Variants in RNLS observed in about 807,000 individuals in gnomAD.
RNLS encodes the protein renalase, FAD dependent amine oxidase.
A neutral mutation model predicts 39.8 loss-of-function variants in RNLS; 39 were observed. The observed-to-expected ratio is 0.98, with a 90% CI of 0.76 to 1.28. RNLS has a LOEUF of 1.28. Ranked by LOEUF, RNLS falls within the 50% of genes most tolerant of loss-of-function variation. The pLI is 0.00. For missense variants in RNLS, 410 were observed against 413.3 expected (o/e 0.99, Z 0.07); for synonymous variants, 147 against 150.7 (o/e 0.98, Z 0.18).
chr10:88,369,902 T>G (rs1036736203), intron 4 of RNLS, among the ~76,000 whole-genome samples: 10 of 152,244 alleles, frequency 6.6e-5, no homozygotes, highest in African/African-American at 2.4e-4. Context: ...GCCAGGCTGG[T>G]TTTGAACTCC....
At position 88,517,571 on chromosome 10, in the gene RNLS, C is replaced by T. The variant is rs148223241; in HGVS notation, c.526+55332G>A. On this transcript the variant is annotated intron_variant, in intron 4 of 6. Coordinates refer to ENST00000331772, the MANE Select transcript of RNLS (RefSeq NM_001031709.3). ...CTTTGTTTTTTACATAAATACATAA[C>T]GGTTGATAAATTTTAAAAAGTGACT... 5.9e-5 allele frequency among the ~76,000 whole-genome samples: 9 copies of T among 151,754 alleles called. No homozygotes were observed. In the East Asian group the frequency reaches 7.7e-4, roughly 13 times the overall value.
At chr10:88,535,958 T>C (rs1166478327) in intron 4 of RNLS, among the ~76,000 whole-genome samples, 1 of 152,130 alleles carries the variant, frequency 6.6e-6, no homozygotes, top group Non-Finnish European at 1.5e-5. Context: ...ATTTTGAAGA[T>C]GAAATATCCT....
chr10:88,203,444 G>A, the RNLS span, among the ~76,000 whole-genome samples: 1 of 2,924 alleles, frequency 3.4e-4, no homozygotes, highest in Non-Finnish European at 5.9e-4. Context: ...ATACGTGTGT[G>A]TGTGTGTGTG....
rs778073918 is a variant in RNLS at position 88,362,535 on chromosome 10, A to G, written c.700+17T>C. On this transcript the variant is annotated intron_variant, in intron 5 of 6. Transcript: ENST00000331772. ...ACCATTGTTGCTGTATTTAAGGGAA[A>G]TAATAGGGGTACTGACCTATATTGC... is the stretch of plus-strand genomic sequence containing the variant. 6.2e-7 allele frequency: 1 copy of G among 1,609,432 alleles called. No homozygotes were observed. Among genetic ancestry groups the G allele is most frequent in the East Asian group, 2.2e-5 (1 of 44,832 alleles).
intron 4 of RNLS, among the ~76,000 whole-genome samples, chr10:88,482,875 C>T (rs991049536): frequency 6.6e-5 from 10 of 152,014 alleles, no homozygotes; most frequent in Admixed American, 5.9e-4. Flanking sequence ...ATCTGTCTCC[C>T]TGTGGGGTGT....
intron 3 of RNLS, among the ~76,000 whole-genome samples, chr10:88,578,997 A>G (rs765440458): frequency 3.3e-5 from 5 of 152,170 alleles, no homozygotes; most frequent in Non-Finnish European, 7.4e-5. Flanking sequence ...AATTTCAGTA[A>G]AAATCAACTG....
At chr10:88,279,821 C>T (rs139901648), downstream of RNLS, among the ~76,000 whole-genome samples, 16 of 152,298 alleles carry the variant, frequency 1.1e-4, no homozygotes, top group African/African-American at 3.8e-4. Flanking sequence ...CCAAGGACTA[C>T]ATTAGAGCAA....
At chr10:88,362,945 A>G (rs1363401287) in intron 4 of RNLS, among the ~76,000 whole-genome samples, 2 of 152,168 alleles carry the variant, frequency 1.3e-5, no homozygotes, top group Non-Finnish European at 2.9e-5. Context: ...GAAGGTCCAC[A>G]TTCTTTGGAA....
At chr10:88,418,634 C>T (rs1279233204) in intron 4 of RNLS, among the ~76,000 whole-genome samples, 1 of 152,192 alleles carries the variant, frequency 6.6e-6, no homozygotes, top group Non-Finnish European at 1.5e-5. Flanking sequence ...AGATAAGAAT[C>T]AAACATACAA....
chr10:88,484,394 G>A (rs1482339103), intron 4 of RNLS, among the ~76,000 whole-genome samples: 1 of 152,042 alleles, frequency 6.6e-6, no homozygotes, highest in Admixed American at 6.6e-5. Context: ...AAATGTGCAT[G>A]TTTGTACTTT....
At chr10:88,488,418 T>C (rs1322800748) in intron 4 of RNLS, among the ~76,000 whole-genome samples, 2 of 151,746 alleles carry the variant, frequency 1.3e-5, no homozygotes, top group Non-Finnish European at 2.9e-5. Context: ...TGGTGGTGCA[T>C]GCCTGTAATC....
chr10:88,319,996 C>T (rs1040252161), intron 5 of RNLS, among the ~76,000 whole-genome samples: 4 of 151,798 alleles, frequency 2.6e-5, no homozygotes, highest in African/African-American at 9.7e-5. Flanking sequence ...ATCAGACTAT[C>T]CAAGGTCAAC....
chr10:88,469,860 T>TGTGC (rs1843418358), intron 4 of RNLS, among the ~76,000 whole-genome samples: 2 of 148,520 alleles, frequency 1.3e-5, no homozygotes, highest in South Asian at 4.3e-4. Flanking sequence ...TGTGTGTGTG[T>TGTGC]GCTTTGCTCC....
chr10:88,413,722 G>A (rs1048119503), intron 4 of RNLS, among the ~76,000 whole-genome samples: 2 of 152,076 alleles, frequency 1.3e-5, no homozygotes, highest in African/African-American at 4.8e-5. Context: ...TGGTTCTTTG[G>A]TTGACAGATA....
chr10:88,197,118 T>G, the RNLS span, among the ~76,000 whole-genome samples: 87 of 152,362 alleles, frequency 5.7e-4, no homozygotes, highest in East Asian at 8.1e-3. Context: ...AAGTAAAGCT[T>G]CTGCCACTTA....
intron 4 of RNLS, among the ~76,000 whole-genome samples, chr10:88,527,188 G>A (rs1271356231): frequency 3.3e-5 from 5 of 152,074 alleles, no homozygotes. Flanking sequence ...TAATGGAGAG[G>A]CACTCTCGCC....
rs1842001569 is a variant in RNLS, at chr10:88,445,830, T to G, written c.527-83105A>C. On this transcript the variant is annotated intron_variant, in intron 4 of 6. Transcript: ENST00000331772. ...TTCATAAAGCAAGTCCTTAGAGACC[T>G]ACAAAGAGACTTAGACTCTCACACA... Among the ~76,000 whole-genome samples the G allele has an allele frequency of 2.0e-5, 3 of 152,150 alleles. No homozygotes were observed. The South Asian group carries it at 6.2e-4, about 32-fold the overall frequency.
intron 4 of RNLS, 77 bp downstream of exon 4, chr10:88,572,824 AAG>A: frequency 1.4e-6 from 2 of 1,461,374 alleles, no homozygotes; most frequent in Non-Finnish European, 1.9e-6. Flanking sequence ...GTCCTTTGCG[AAG>A]AGAGTTAAAC....
intron 3 of RNLS, among the ~76,000 whole-genome samples, chr10:88,573,303 T>C (rs113819348): frequency 1.3e-5 from 2 of 152,328 alleles, no homozygotes; most frequent in African/African-American, 4.8e-5. Context: ...CAATTAGTGA[T>C]AAAAATAAAA....
Sources: allele counts gnomAD v4.1 joint callset (sites outside exome capture counted in the v4.1 genomes callset), GRCh38; gene constraint gnomAD v4.1.1; transcripts MANE v1.5; gene names NCBI Gene and HGNC (gene_info 2026-07-23, HGNC 2026-07-21).